RNF150: variants seen among roughly 807,000 people sequenced by gnomAD.
RNF150 encodes the protein ring finger protein 150.
RNF150 carries 24 observed loss-of-function variants against 39.3 expected under a neutral mutation model. The ratio of observed to expected loss-of-function variants is 0.61; its 90% CI spans 0.44 to 0.86. The LOEUF is 0.86. Among genes scored for constraint, RNF150 ranks in the 40% least tolerant of loss-of-function variants. The probability of loss-of-function intolerance (pLI) is 0.00; values close to 1 mark genes in which losing one functional copy is unlikely to be tolerated. For synonymous variants in RNF150, 255 were observed against 227.3 expected (o/e 1.12, Z -1.10); for missense variants, 502 against 587.8 (o/e 0.85, Z 1.51).
intron 6 of RNF150, among the ~76,000 whole-genome samples, chr4:140,904,242 T>C (rs1449749477): frequency 6.6e-6 from 1 of 152,158 alleles, no homozygotes; most frequent in Non-Finnish European, 1.5e-5. Flanking sequence ...TCTGGAATAG[T>C]GTTACAATCT....
chr4:141,100,600 T>C (rs1393754389), intron 1 of RNF150, among the ~76,000 whole-genome samples: 1 of 152,152 alleles, frequency 6.6e-6, no homozygotes, highest in Non-Finnish European at 1.5e-5. Flanking sequence ...CTCAACAATG[T>C]CTAACTTGGG....
At chr4:141,013,711 G>A (rs1310800528) in intron 1 of RNF150, among the ~76,000 whole-genome samples, 1 of 152,120 alleles carries the variant, frequency 6.6e-6, no homozygotes, top group Non-Finnish European at 1.5e-5. Flanking sequence ...GATTTTGATT[G>A]ACAAATTATA....
At chr4:140,951,854 G>C (rs1412034076) in intron 2 of RNF150, among the ~76,000 whole-genome samples, 1 of 151,958 alleles carries the variant, frequency 6.6e-6, no homozygotes, top group Non-Finnish European at 1.5e-5. Flanking sequence ...TTTCAGTCAA[G>C]AACTCAGATA....
intron 6 of RNF150, among the ~76,000 whole-genome samples, chr4:140,910,531 C>T (rs1292784232): frequency 1.3e-5 from 2 of 152,070 alleles, no homozygotes; most frequent in Non-Finnish European, 2.9e-5. Context: ...GGGGAAAATA[C>T]CCAGAAGGTA....
chr4:140,970,466 C>G (rs1044878551), intron 1 of RNF150, among the ~76,000 whole-genome samples: 1 of 97,310 alleles, frequency 1.0e-5, no homozygotes, highest in African/African-American at 3.7e-5. Flanking sequence ...CCTTCACTAT[C>G]CCCCTCCCCA....
chr4:141,083,640 T>G (rs1367776949), intron 1 of RNF150, among the ~76,000 whole-genome samples: 1 of 152,104 alleles, frequency 6.6e-6, no homozygotes, highest in Non-Finnish European at 1.5e-5. Flanking sequence ...AGACAGTCCA[T>G]TTTTCCCTTC....
intron 1 of RNF150, among the ~76,000 whole-genome samples, chr4:141,027,624 G>C (rs1245821344): frequency 6.6e-6 from 1 of 152,044 alleles, no homozygotes; most frequent in Non-Finnish European, 1.5e-5. Flanking sequence ...TTCCCAGTCT[G>C]GCCTATAAAA....
rs146876680 is a variant in RNF150 at position 141,010,754 on chromosome 4, G to A, written c.485-42881C>T. ...ACCCTTTGAGCTTAGAGGAGTGCAC[G>A]GAGACAGTATGGCTCACCCTCCAGA... On this transcript the variant is annotated intron_variant, in intron 1 of 6. Transcript: ENST00000515673. 1.9e-3 allele frequency among the ~76,000 whole-genome samples: 292 copies of A among 152,180 alleles called. 1 individual carries two copies. Among genetic ancestry groups the A allele is most frequent in the African/African-American group, 6.7e-3 (278 of 41,518 alleles).
intron 1 of RNF150, among the ~76,000 whole-genome samples, chr4:141,125,993 T>C (rs920894511): frequency 7.9e-5 from 12 of 152,216 alleles, no homozygotes; most frequent in African/African-American, 2.9e-4. Context: ...TTTAACACTT[T>C]GATGAATTAT....
At chr4:141,202,728 A>C (rs1728309720) in intron 1 of RNF150, among the ~76,000 whole-genome samples, 1 of 151,924 alleles carries the variant, frequency 6.6e-6, no homozygotes, top group African/African-American at 2.4e-5. Context: ...CTGTGGTCAA[A>C]TGTTTTATCA....
At chr4:141,193,492 G>T (rs1728149641) in intron 1 of RNF150, among the ~76,000 whole-genome samples, 2 of 152,182 alleles carry the variant, frequency 1.3e-5, no homozygotes, top group South Asian at 4.1e-4. Context: ...ACAGTTATTT[G>T]TGGAGCACTT....
chr4:140,937,262 C>A (rs1281992800), intron 4 of RNF150, among the ~76,000 whole-genome samples: 1 of 151,886 alleles, frequency 6.6e-6, no homozygotes, highest in Non-Finnish European at 1.5e-5. Context: ...TAAATAATTT[C>A]TTTTTTTTGT....
Position 140,922,504 on chromosome 4 carries a change from T to C in RNF150, c.987+3473A>G, listed in dbSNP as rs544954724. Among the ~76,000 whole-genome samples, 1,506 of 151,958 alleles carry C rather than the reference T, an allele frequency of 9.9e-3. 16 individuals carry two copies. Among genetic ancestry groups the C allele is most frequent in the Middle Eastern group, 0.031 (9 of 294 alleles). On this transcript the variant is annotated intron_variant, in intron 5 of 6. Transcript: ENST00000515673. ...GAAATGGAAGAACATTCCATGCTCA[T>C]AGATAGGAAGAATCAATATCGTGAA...
chr4:141,012,053 T>G (rs1735094104), intron 1 of RNF150, among the ~76,000 whole-genome samples: 1 of 152,228 alleles, frequency 6.6e-6, no homozygotes, highest in Admixed American at 6.5e-5. Flanking sequence ...ACAGCTACTC[T>G]TTTTAGAAAT....
intron 6 of RNF150, among the ~76,000 whole-genome samples, chr4:140,885,335 G>A (rs924947652): frequency 6.9e-6 from 1 of 145,780 alleles, no homozygotes; most frequent in African/African-American, 2.5e-5. Context: ...CAAGTGGCTG[G>A]GATTACAGGT....
chr4:140,919,213 G>T (rs1179629378), intron 5 of RNF150, among the ~76,000 whole-genome samples: 5 of 142,888 alleles, frequency 3.5e-5, no homozygotes, highest in South Asian at 2.5e-4. Context: ...AGGAAATAAA[G>T]GGTATTCAAT....
intron 1 of RNF150, among the ~76,000 whole-genome samples, chr4:141,039,057 T>C (rs1342238251): frequency 1.3e-5 from 2 of 152,000 alleles, no homozygotes; most frequent in African/African-American, 4.8e-5. Context: ...CTGGGAAGGA[T>C]GTAAAAGCCC....
intron 6 of RNF150, among the ~76,000 whole-genome samples, chr4:140,880,669 G>GTTTGTTTGTTTT (rs886952094): frequency 6.0e-5 from 9 of 151,178 alleles, no homozygotes; most frequent in African/African-American, 1.9e-4. Flanking sequence ...TTGTTTGTTT[G>GTTTGTTTGTTTT]TTTTAAACAA....
intron 1 of RNF150, among the ~76,000 whole-genome samples, chr4:140,973,792 G>T (rs1039912730): frequency 6.7e-6 from 1 of 149,982 alleles, no homozygotes; most frequent in Admixed American, 6.7e-5. Context: ...CAGGAGAATT[G>T]CTTGAACCTG....
Sources: allele counts gnomAD v4.1 joint callset (sites outside exome capture counted in the v4.1 genomes callset), GRCh38; gene constraint gnomAD v4.1.1; transcripts MANE v1.5; gene names NCBI Gene and HGNC (gene_info 2026-07-23, HGNC 2026-07-21).